Variants in SI observed in about 807,000 individuals in gnomAD.
The protein encoded by SI is sucrase-isomaltase.
Under a neutral mutation model 253.3 loss-of-function variants are expected in SI, and 235 were observed. The observed-to-expected ratio is 0.93, with a 90% confidence interval of 0.83 to 1.03. The LOEUF (loss-of-function observed/expected upper bound fraction) is 1.03. SI is among the 50% of genes least tolerant of loss of function. The pLI is 0.00. For missense variants in SI, 2,442 were observed against 2,211.1 expected (o/e 1.10, Z -2.09); for synonymous variants, 819 against 712.0 (o/e 1.15, Z -2.39).
At chr3:165,054,953 T>C (rs1352768454) in intron 13 of SI, among the ~76,000 whole-genome samples, 1 of 152,130 alleles carries the variant, frequency 6.6e-6, no homozygotes, top group African/African-American at 2.4e-5. Context: ...AGAAATAAAA[T>C]TTATTCTATA....
the SI span, among the ~76,000 whole-genome samples, chr3:165,085,416 A>T: frequency 1.3e-5 from 2 of 152,142 alleles, no homozygotes; most frequent in Non-Finnish European, 2.9e-5. Flanking sequence ...TTTTGTATTC[A>T]TCCACATAAT....
chr3:164,993,563 A>G (rs1156431579), intron 41 of SI, among the ~76,000 whole-genome samples: 2 of 151,640 alleles, frequency 1.3e-5, no homozygotes, highest in Admixed American at 1.3e-4. Context: ...CTGGTAATAT[A>G]GGGTGCTCAA....
Position 165,065,377 on chromosome 3 carries a change from T to C in SI, c.691A>G (p.Thr231Ala), listed in dbSNP as rs9283633. The C allele has an allele frequency of 0.59, 929,585 of 1,564,946 alleles. 280,223 individuals are homozygous for C. Among genetic ancestry groups the C allele is most frequent in the East Asian group, 0.83 (36,378 of 43,822 alleles). The change falls in exon 7 of 48, where the codon ACC (threonine) becomes GCC (alanine). Residue 231 changes from threonine (T) to alanine (A), a missense_variant. By Grantham distance (58) the Thr-to-Ala change is moderately conservative. Coordinates refer to ENST00000264382, the MANE Select transcript of SI (RefSeq NM_001041.4). ...TAAATATAATCACTTGGAAGACGGG[T>C]TGAGATCTGTAAGTACTGGTCAGAG... ...VYSDQYLQISTRLPSDYIYGI... is the reference protein window; with the variant it reads ...VYSDQYLQISARLPSDYIYGI...
intron 28 of SI, among the ~76,000 whole-genome samples, 164 bp downstream of exon 28, chr3:165,019,438 C>T (rs1205408257): frequency 6.6e-6 from 1 of 151,846 alleles, no homozygotes; most frequent in African/African-American, 2.4e-5. Context: ...TTTATGGTGA[C>T]TTTTTGGGTT....
chr3:164,989,428 GA>G (rs1717620871), intron 44 of SI, among the ~76,000 whole-genome samples: 2 of 143,012 alleles, frequency 1.4e-5, no homozygotes, highest in East Asian at 4.2e-4. Context: ...AAGAAAGAAA[GA>G]AAGAAAGGAA....
intron 43 of SI, among the ~76,000 whole-genome samples, chr3:164,991,873 C>T (rs1717750904): frequency 6.6e-6 from 1 of 152,042 alleles, no homozygotes; most frequent in African/African-American, 2.4e-5. Flanking sequence ...CTTAGAAAGA[C>T]TGCACTACCT....
chr3:165,001,448 T>C lies in SI; in HGVS notation c.4407-2775A>G, dbSNP rs530698379. Among the ~76,000 whole-genome samples, 19 of 151,634 alleles carry C rather than the reference T, an allele frequency of 1.3e-4. No homozygotes were observed. In the South Asian group the frequency reaches 3.9e-3, roughly 31 times the overall value. On this transcript the variant is annotated intron_variant, in intron 37 of 47. Coordinates refer to ENST00000264382, the MANE Select transcript of SI (RefSeq NM_001041.4). Reference sequence around the variant, plus strand: ...TTAGATCAGAAAATGTAATATCTGTTTTAATTTTGAAATTGGATAAGTATT... The same window carrying C: ...TTAGATCAGAAAATGTAATATCTGTCTTAATTTTGAAATTGGATAAGTATT...
chr3:164,996,961 T>A (rs1718040107), intron 38 of SI, among the ~76,000 whole-genome samples, 189 bp from the exon 39 acceptor site: 1 of 151,886 alleles, frequency 6.6e-6, no homozygotes, highest in African/African-American at 2.4e-5. Flanking sequence ...TTTGTAGCAT[T>A]TATGATATTT....
At chr3:165,084,339 AC>A in the SI span, among the ~76,000 whole-genome samples, 1 of 151,962 alleles carries the variant, frequency 6.6e-6, no homozygotes, top group African/African-American at 2.4e-5. Flanking sequence ...TGTTACAGAA[AC>A]CCAGACAGAC....
upstream of SI, among the ~76,000 whole-genome samples, chr3:165,080,776 T>C (rs1038629662): frequency 1.3e-5 from 2 of 151,900 alleles, no homozygotes. Context: ...GGGGGAGGGA[T>C]AGCATTGGGA....
intron 44 of SI, among the ~76,000 whole-genome samples, chr3:164,990,924 C>T (rs555905244): frequency 2.0e-5 from 3 of 151,750 alleles, no homozygotes; most frequent in South Asian, 2.1e-4. Context: ...TAGCATTGGA[C>T]GGCAGGGTTT....
chr3:165,013,887 T>C (rs1022558282), intron 33 of SI, among the ~76,000 whole-genome samples: 1 of 151,412 alleles, frequency 6.6e-6, no homozygotes, highest in Non-Finnish European at 1.5e-5. Context: ...CCACCATGCC[T>C]AGCTAATTTT....
chr3:165,081,415 G>C (rs1715319005), upstream of SI, among the ~76,000 whole-genome samples: 1 of 151,850 alleles, frequency 6.6e-6, no homozygotes, highest in African/African-American at 2.4e-5. Context: ...TCTCTTTAGG[G>C]AGTATTATGT....
rs375001018 is a variant in SI, at chr3:165,075,886, A to G, written c.118+9T>C. ...GATAATGTAGCCATGCTTTTAATGT[A>G]CTACTTACCATCAACAGCAGGTGTC... On this transcript the variant is annotated intron_variant, in intron 2 of 47. Coordinates refer to ENST00000264382, the MANE Select transcript of SI (RefSeq NM_001041.4). The G allele has an allele frequency of 9.1e-6, 13 of 1,431,558 alleles. No individual in the cohort carries two copies. The African/African-American group carries it at 1.3e-4, about 14-fold the overall frequency. The allele number at this position is 1,431,558 out of a possible 1,614,324, so 88.7% of individuals were successfully genotyped here. A position where few individuals can be genotyped will look rare whatever the true frequency, so the allele number is the denominator to read the frequency against.
At position 165,007,894 on chromosome 3, in the gene SI, T is replaced by C. The variant is rs1718590001; in HGVS notation, c.4267+17A>G. 7.5e-7 allele frequency: 1 copy of C among 1,337,824 alleles called. No homozygotes were observed. Among genetic ancestry groups the C allele is most frequent in the African/African-American group, 1.4e-5 (1 of 69,322 alleles). The allele number at this position is 1,337,824 out of a possible 1,614,324, so 82.9% of individuals were successfully genotyped here. On this transcript the variant is annotated intron_variant, in intron 36 of 47. Transcript: ENST00000264382. ...TAATAACATGATAATATCAAAGGCATACCAACAATATTGTACCTGGGAAAT... is the reference window on the plus strand; with the variant it reads ...TAATAACATGATAATATCAAAGGCACACCAACAATATTGTACCTGGGAAAT...
At chr3:165,086,964 C>T in the SI span, among the ~76,000 whole-genome samples, 1 of 152,104 alleles carries the variant, frequency 6.6e-6, no homozygotes, top group Non-Finnish European at 1.5e-5. Flanking sequence ...CCTTATGAGA[C>T]AGTTTCAGTG....
chr3:164,982,288 G>A lies in SI; in HGVS notation c.5370C>T (p.Asn1790=), dbSNP rs760411938. 3.1e-5 allele frequency: 50 copies of A among 1,612,762 alleles called. No individual in the cohort carries two copies. Among genetic ancestry groups the A allele is most frequent in the African/African-American group, 6.7e-5 (5 of 74,812 alleles). Residue 1790 remains asparagine, a synonymous_variant, in exon 47 of 48, where the codon AAC becomes AAT. Coordinates refer to ENST00000264382, the MANE Select transcript of SI (RefSeq NM_001041.4). The part of the protein sequence containing the change: ...TPVNAVTLTY[N]GNKNSLPFNE... ...TAAAAGGAAGCGAATTTTTATTTCC[G>A]TTATACGTTAGAGTAACTGCATTGA...
chr3:164,991,076 A>G (rs1162332745), intron 44 of SI, among the ~76,000 whole-genome samples: 2 of 152,126 alleles, frequency 1.3e-5, no homozygotes, highest in South Asian at 4.1e-4. Context: ...TATTTGTGAC[A>G]CAGACCTCCT....
In SI at chr3:165,017,602, A is replaced by G; in HGVS notation, c.3705T>C (p.Asn1235=). 6.2e-7 allele frequency: 1 copy of G among 1,612,806 alleles called. No homozygotes were observed. Among genetic ancestry groups the G allele is most frequent in the Non-Finnish European group, 8.5e-7 (1 of 1,179,072 alleles). Residue 1235 remains asparagine (N), a synonymous_variant, in exon 31 of 48, where the codon AAT becomes AAC. Coordinates refer to ENST00000264382, the MANE Select transcript of SI (RefSeq NM_001041.4). The stretch of plus-strand genomic sequence containing the variant: ...CATATAATTCCCGAACCTCTGAAGT[A>G]TTTGCATATCCATAACGACATAATT... ...GFQLCRYGYA[N]TSEVRELYDA... is the part of the protein sequence containing the mutation.
Sources: gnomAD v4.1 joint callset for allele counts (sites outside exome capture counted in the v4.1 genomes callset) on GRCh38, gnomAD v4.1.1 for gene constraint, MANE v1.5 for transcripts, NCBI Gene and HGNC (gene_info 2026-07-23, HGNC 2026-07-21) for gene names.